The following SMAD2 variants were observed in gnomAD, a reference collection of about 807,000 sequenced individuals.
The protein encoded by SMAD2 is MAD homolog 2.
A neutral mutation model predicts 64.4 loss-of-function variants in SMAD2; 8 were observed. That is an observed-to-expected ratio of 0.12 (90% confidence interval 0.07 to 0.22). The LOEUF is 0.22. Among genes scored for constraint, SMAD2 ranks in the 10% least tolerant of loss-of-function variants. The pLI, the probability that SMAD2 is intolerant of heterozygous loss-of-function variation, is 1.00. For synonymous variants in SMAD2, 203 were observed against 195.8 expected, an observed-to-expected ratio of 1.04 and a Z score of -0.31; for missense variants, 289 against 561.2, an observed-to-expected ratio of 0.51 and a Z score of 4.90.
At chr18:47,899,417 A>C (rs2033586946) in intron 1 of SMAD2, among the ~76,000 whole-genome samples, 1 of 152,174 alleles carries the variant, frequency 6.6e-6, no homozygotes. Context: ...AATTCTAAGA[A>C]ATACATATAA....
chr18:47,906,737 C>T (rs1340416149), intron 1 of SMAD2, among the ~76,000 whole-genome samples: 1 of 152,160 alleles, frequency 6.6e-6, no homozygotes, highest in Non-Finnish European at 1.5e-5. Context: ...CCTTTTTCAG[C>T]TTCTAGTGGT....
chr18:47,863,226 AAG>A (rs1276304345), intron 6 of SMAD2, among the ~76,000 whole-genome samples: 2 of 152,216 alleles, frequency 1.3e-5, no homozygotes, highest in Non-Finnish European at 2.9e-5. Flanking sequence ...CCATGGCCCC[AAG>A]AGAGAAACTG....
chr18:47,848,696 G>T lies in SMAD2; in HGVS notation c.785-9C>A, dbSNP rs377290715. 7.3e-5 allele frequency: 115 copies of T among 1,578,680 alleles called. No homozygotes were observed. Among genetic ancestry groups the T allele is most frequent in the African/African-American group, 5.8e-4 (42 of 73,026 alleles). ...AGTAACTGGCTGTAAATCTGAAAAA[G>T]AAAAAAATAAAAAAATAATAAAAGG... On this transcript the variant is annotated splice_polypyrimidine_tract_variant and intron_variant, in intron 7 of 10. Transcript: ENST00000262160.
At chr18:47,881,998 C>T (rs1348009242) in intron 2 of SMAD2, among the ~76,000 whole-genome samples, 1 of 144,684 alleles carries the variant, frequency 6.9e-6, no homozygotes, top group African/African-American at 2.6e-5. Context: ...CCACCTCAGC[C>T]TTCCAAATAA....
intron 2 of SMAD2, among the ~76,000 whole-genome samples, chr18:47,871,443 C>T (rs1003265816): frequency 6.6e-6 from 1 of 152,196 alleles, no homozygotes; most frequent in African/African-American, 2.4e-5. Flanking sequence ...GTGAGCTTAA[C>T]TGGATCAACA....
intron 9 of SMAD2, 62 bp downstream of exon 9, chr18:47,845,601 T>C: frequency 6.3e-7 from 1 of 1,598,196 alleles, no homozygotes; most frequent in African/African-American, 1.3e-5. Flanking sequence ...TTCCTAAAAT[T>C]AGCAACAAGA....
chr18:47,897,045 T>C (rs184287541), intron 1 of SMAD2, among the ~76,000 whole-genome samples: 37 of 152,274 alleles, frequency 2.4e-4, no homozygotes, highest in African/African-American at 8.7e-4. Context: ...TACAGTAATT[T>C]TGCAAGTAAA....
At chr18:47,850,262 TAATATA>T (rs1368935528) in intron 7 of SMAD2, among the ~76,000 whole-genome samples, 3 of 82,646 alleles carry the variant, frequency 3.6e-5, no homozygotes, top group Non-Finnish European at 6.2e-5. Flanking sequence ...ATATTATGTA[TAATATA>T]TATTATATAT....
chr18:47,836,992 AC>A lies in SMAD2; in HGVS notation c.*4834del, dbSNP rs1913473778. Reference sequence around the variant, plus strand: ...CATTATTCTGACTGTCTTAAATACAACAATCCAATATGCCCCAAGATGGAAA... The same window carrying A: ...CATTATTCTGACTGTCTTAAATACAAAATCCAATATGCCCCAAGATGGAAA... On this transcript the variant is annotated 3_prime_UTR_variant, in exon 11 of 11. Coordinates refer to ENST00000262160, the MANE Select transcript of SMAD2 (RefSeq NM_005901.6). 9.4e-6 allele frequency: 2 copies of A among 212,682 alleles called. No individual in the cohort carries two copies. The highest frequency in any genetic ancestry group is 2.3e-5 in the African/African-American group (1 of 44,278). 13.2% of individuals were successfully genotyped at this position (212,682 alleles called of 1,614,324 possible).
chr18:47,827,452 ATCCCTC>A lies in SMAD2; in HGVS notation c.*14369_*14374del, dbSNP rs1598725163. ...GCAATAACGGTTAGAAAAAAAGCAC[ATCCCTC>A]TCCCTCTCCCGTCTCCCCCCGTCTC... is the stretch of plus-strand genomic sequence containing the variant. On this transcript the variant is annotated 3_prime_UTR_variant, in exon 11 of 11. Transcript: ENST00000262160. 1 of 152,144 alleles carries A rather than the reference ATCCCTC, an allele frequency of 6.6e-6. No homozygotes were observed. The highest frequency in any genetic ancestry group is 1.9e-4 in the East Asian group (1 of 5,170). The allele number at this position is 152,144 out of a possible 1,614,324, so 9.4% of individuals were successfully genotyped here. A position where few individuals can be genotyped will look rare whatever the true frequency, so the allele number is the denominator to read the frequency against.
rs151144345 is a variant in SMAD2 at position 47,875,215 on chromosome 18, C to T, written c.237-4651G>A. ...ACTACTAATTCTTTAATAAGTCTAA[C>T]AAACGAGGTCAATTTTTAAGATGCC... On this transcript the variant is annotated intron_variant, in intron 2 of 10. Coordinates refer to ENST00000262160, the MANE Select transcript of SMAD2 (RefSeq NM_005901.6). Among the ~76,000 whole-genome samples the T allele has an allele frequency of 2.0e-5, 3 of 152,258 alleles. No individual in the cohort carries two copies. The East Asian group carries it at 5.8e-4, about 29-fold the overall frequency.
chr18:47,852,585 C>A (rs2030220131), intron 6 of SMAD2, among the ~76,000 whole-genome samples: 1 of 152,156 alleles, frequency 6.6e-6, no homozygotes, highest in Non-Finnish European at 1.5e-5. Flanking sequence ...AGTATTATAA[C>A]AGCATATTCT....
intron 2 of SMAD2, among the ~76,000 whole-genome samples, chr18:47,878,979 A>G (rs1414645289): frequency 6.6e-6 from 1 of 152,188 alleles, no homozygotes; most frequent in East Asian, 1.9e-4. Flanking sequence ...TATCAAAAAT[A>G]CAAAATATTA....
At position 47,841,523 on chromosome 18, in the gene SMAD2, C is replaced by A; in HGVS notation, c.*304G>T. 2.2e-6 allele frequency: 1 copy of A among 462,300 alleles called. No homozygotes were observed. Among genetic ancestry groups the A allele is most frequent in the Non-Finnish European group, 4.0e-6 (1 of 248,658 alleles). 28.6% of individuals were successfully genotyped at this position (462,300 alleles called of 1,614,324 possible). A position where few individuals can be genotyped will look rare whatever the true frequency, so the allele number is the denominator to read the frequency against. Reference sequence around the variant, plus strand: ...ACTGGATCATGATACATTACCTGTACACATAACTACTACTGTTATTAATAA... The same window carrying A: ...ACTGGATCATGATACATTACCTGTAAACATAACTACTACTGTTATTAATAA... On this transcript the variant is annotated 3_prime_UTR_variant, in exon 11 of 11. Transcript: ENST00000262160.
Position 47,840,906 on chromosome 18 carries a change from G to C in SMAD2, c.*921C>G, listed in dbSNP as rs906076082. Reference sequence around the variant, plus strand: ...TATGAGGTGGAAGGATAAATCAACAGACTGCTAGATTATACAAGCCAATTA... The same window carrying C: ...TATGAGGTGGAAGGATAAATCAACACACTGCTAGATTATACAAGCCAATTA... On this transcript the variant is annotated 3_prime_UTR_variant, in exon 11 of 11. Transcript: ENST00000262160. 1.3e-5 allele frequency: 3 copies of C among 232,308 alleles called. No individual in the cohort carries two copies. Among genetic ancestry groups the C allele is most frequent in the African/African-American group, 6.6e-5 (3 of 45,276 alleles). The allele number at this position is 232,308 out of a possible 1,614,324, so 14.4% of individuals were successfully genotyped here.
chr18:47,845,619 A>G (rs1914422319), intron 9 of SMAD2, 44 bp downstream of exon 9: 1 of 1,609,996 alleles, frequency 6.2e-7, no homozygotes, highest in East Asian at 2.2e-5. Flanking sequence ...AGAAAAACTA[A>G]GCAAGTTGAC....
Position 47,837,931 on chromosome 18 carries a change from C to T in SMAD2, c.*3896G>A, listed in dbSNP as rs1913586874. 1 of 232,410 alleles carries T rather than the reference C, an allele frequency of 4.3e-6. No homozygotes were observed. Among genetic ancestry groups the T allele is most frequent in the Non-Finnish European group, 8.5e-6 (1 of 117,388 alleles). 14.4% of individuals were successfully genotyped at this position (232,410 alleles called of 1,614,324 possible). Reference sequence around the variant, plus strand: ...TGTCTTGTGTTACTTTATATCCCAACATAAACCTACGCCACCCTCAGACGA... The same window carrying T: ...TGTCTTGTGTTACTTTATATCCCAATATAAACCTACGCCACCCTCAGACGA... On this transcript the variant is annotated 3_prime_UTR_variant, in exon 11 of 11. Transcript: ENST00000262160.
intron 2 of SMAD2, among the ~76,000 whole-genome samples, chr18:47,887,221 G>A (rs563463188): frequency 6.6e-6 from 1 of 152,316 alleles, no homozygotes; most frequent in South Asian, 2.1e-4. Flanking sequence ...CCAGATATTT[G>A]TATTAACAAT....
At chr18:47,916,357 G>GT (rs1450875990) in intron 1 of SMAD2, among the ~76,000 whole-genome samples, 1 of 152,094 alleles carries the variant, frequency 6.6e-6, no homozygotes, top group East Asian at 1.9e-4. Flanking sequence ...GTAGTCTGGT[G>GT]TTTTGCTTGA....
Sources: gnomAD v4.1 joint callset for allele counts (sites outside exome capture counted in the v4.1 genomes callset) on GRCh38, gnomAD v4.1.1 for gene constraint, MANE v1.5 for transcripts, NCBI Gene and HGNC (gene_info 2026-07-23, HGNC 2026-07-21) for gene names.